Variants in AKAP7 observed in about 807,000 individuals in gnomAD.
AKAP7 encodes A-kinase anchoring protein 7.
In AKAP7, 39 loss-of-function variants were observed where a neutral mutation model predicts 39.5. The ratio of observed to expected loss-of-function variants is 0.99; its 90% CI spans 0.76 to 1.29. The LOEUF (loss-of-function observed/expected upper bound fraction) is 1.29, where lower values mean the gene tolerates loss of function less well. Among genes scored for constraint, AKAP7 ranks in the 50% most tolerant of loss-of-function variants. The pLI, the probability that AKAP7 is intolerant of heterozygous loss-of-function variation, is 0.00. For synonymous variants in AKAP7, 140 were observed against 139.1 expected (o/e 1.01, Z -0.05); for missense variants, 414 against 407.7 (o/e 1.02, Z -0.13).
At chr6:131,198,748 A>T (rs926128507) in intron 5 of AKAP7, among the ~76,000 whole-genome samples, 5 of 152,164 alleles carry the variant, frequency 3.3e-5, no homozygotes, top group Non-Finnish European at 5.9e-5. Flanking sequence ...TTTTCTTGTT[A>T]AAGTACTAGA....
chr6:131,151,321 G>C (rs1311392983), intron 2 of AKAP7, among the ~76,000 whole-genome samples: 1 of 150,726 alleles, frequency 6.6e-6, no homozygotes, highest in Admixed American at 6.6e-5. Context: ...GGGATTACAA[G>C]CATGAGCCAC....
chr6:131,187,062 A>C lies in AKAP7; in HGVS notation c.590-12399A>C, dbSNP rs543147513. Among the ~76,000 whole-genome samples the C allele has an allele frequency of 1.1e-3, 173 of 152,294 alleles. 6 individuals are homozygous for C. In the South Asian group the frequency reaches 0.034, roughly 30 times the overall value. On this transcript the variant is annotated intron_variant, in intron 5 of 7. Transcript: ENST00000431975. ...TGAAATCAGAAGTGTAAAATCTCTA[A>C]CTTTGATCTTCTTTATCAAGATTGT...
At chr6:131,196,202 T>G (rs895243766) in intron 5 of AKAP7, among the ~76,000 whole-genome samples, 2 of 152,036 alleles carry the variant, frequency 1.3e-5, no homozygotes, top group African/African-American at 4.8e-5. Flanking sequence ...GCTTACTAAT[T>G]CTTTCTTCTG....
Position 131,282,851 on chromosome 6 carries a change from T to A in AKAP7, c.*1125T>A. On this transcript the variant is annotated 3_prime_UTR_variant, in exon 8 of 8. Transcript: ENST00000431975. ...TATTTTATAGAAATGATTTCTTAATTAGCTGTTGTGAGATATTTCTCGGGT... is the reference window on the plus strand; with the variant it reads ...TATTTTATAGAAATGATTTCTTAATAAGCTGTTGTGAGATATTTCTCGGGT... 1 of 359,008 alleles carries A rather than the reference T, an allele frequency of 2.8e-6. No individual in the cohort carries two copies. The highest frequency in any genetic ancestry group is 5.0e-6 in the Non-Finnish European group (1 of 199,216). The allele number at this position is 359,008 out of a possible 1,614,324, so 22.2% of individuals were successfully genotyped here. A position where few individuals can be genotyped will look rare whatever the true frequency, so the allele number is the denominator to read the frequency against.
rs147781693 is a variant in AKAP7, at chr6:131,182,671, A to G, written c.589+13398A>G. Among the ~76,000 whole-genome samples, 353 of 152,330 alleles carry G rather than the reference A, an allele frequency of 2.3e-3. 1 individual carries two copies. The highest frequency in any genetic ancestry group is 6.2e-3 in the African/African-American group (256 of 41,566). ...TTTTGGATATGTAACCAGAAGTGGA[A>G]TTGCTAAATCATATGGTAGTTTAAT... On this transcript the variant is annotated intron_variant, in intron 5 of 7. Coordinates refer to ENST00000431975, the MANE Select transcript of AKAP7 (RefSeq NM_016377.4).
intron 7 of AKAP7, among the ~76,000 whole-genome samples, chr6:131,255,397 TG>T (rs1184159621): frequency 1.3e-5 from 2 of 152,224 alleles, no homozygotes; most frequent in Non-Finnish European, 2.9e-5. Context: ...TGAAGAGCTT[TG>T]GTTACTGAAC....
chr6:131,128,278 T>C, the AKAP7 span, among the ~76,000 whole-genome samples: 1 of 152,120 alleles, frequency 6.6e-6, no homozygotes, highest in East Asian at 1.9e-4. Context: ...TGCAAGTGGT[T>C]ACGAAACACA....
intron 7 of AKAP7, among the ~76,000 whole-genome samples, chr6:131,220,897 G>T (rs1410571760): frequency 6.6e-6 from 1 of 152,146 alleles, no homozygotes; most frequent in African/African-American, 2.4e-5. Flanking sequence ...ATTGATAAAT[G>T]TGTGTGTTCC....
chr6:131,130,690 G>T (rs968324372), upstream of AKAP7, among the ~76,000 whole-genome samples: 1 of 152,224 alleles, frequency 6.6e-6, no homozygotes, highest in Non-Finnish European at 1.5e-5. Context: ...TGTGCGCGAG[G>T]GCAGAGGACT....
Position 131,135,651 on chromosome 6 carries a change from C to G in AKAP7, c.-113C>G. The G allele has an allele frequency of 1.0e-6, 1 of 963,620 alleles. No homozygotes were observed. The highest frequency in any genetic ancestry group is 1.3e-6 in the Non-Finnish European group (1 of 799,700). 59.7% of individuals were successfully genotyped at this position (963,620 alleles called of 1,614,324 possible). A position where few individuals can be genotyped will look rare whatever the true frequency, so the allele number is the denominator to read the frequency against. The stretch of plus-strand genomic sequence containing the variant: ...CCGCGCCGGCCCAGCGCACCGCCCT[C>G]AGGCCCCGAGCCCCGCCCTGGCCTC... On this transcript the variant is annotated 5_prime_UTR_variant, in exon 1 of 8. An upstream open reading frame in the 5' UTR gains an earlier in-frame stop. Coordinates refer to ENST00000431975, the MANE Select transcript of AKAP7 (RefSeq NM_016377.4).
At chr6:131,216,710 T>C (rs889900918) in intron 6 of AKAP7, among the ~76,000 whole-genome samples, 1 of 152,220 alleles carries the variant, frequency 6.6e-6, no homozygotes, top group Admixed American at 6.5e-5. Flanking sequence ...AAGTCTGATA[T>C]TCCATACTTA....
At position 131,234,868 on chromosome 6, in the gene AKAP7, A is replaced by G. The variant is rs1161162184; in HGVS notation, c.850+15060A>G. 3.3e-5 allele frequency among the ~76,000 whole-genome samples: 5 copies of G among 151,772 alleles called. No homozygotes were observed. The East Asian group carries it at 7.7e-4, about 23-fold the overall frequency. ...ATGTGGTTTTGATTTATATTTGTCT[A>G]ATGATCAGTGATTTTTTTATTTTAT... On this transcript the variant is annotated intron_variant, in intron 7 of 7. Transcript: ENST00000431975.
chr6:131,151,675 A>C (rs1458943622), intron 2 of AKAP7, among the ~76,000 whole-genome samples: 1 of 151,984 alleles, frequency 6.6e-6, no homozygotes, highest in Non-Finnish European at 1.5e-5. Context: ...GAACCTAGGT[A>C]ATGGAGGTTG....
chr6:131,209,388 C>A lies in AKAP7; in HGVS notation c.702+9815C>A, dbSNP rs147419126. On this transcript the variant is annotated intron_variant, in intron 6 of 7. Coordinates refer to ENST00000431975, the MANE Select transcript of AKAP7 (RefSeq NM_016377.4). ...GCCTCAGCCTCCTGAATAGCTGGGA[C>A]TACAGGTGCCCGCCACCATGCCCGG... Among the ~76,000 whole-genome samples the A allele has an allele frequency of 7.3e-3, 1,115 of 152,064 alleles. 9 individuals carry two copies. The highest frequency in any genetic ancestry group is 0.026 in the African/African-American group (1,073 of 41,482).
At chr6:131,167,837 C>T (rs947755907) in intron 4 of AKAP7, among the ~76,000 whole-genome samples, 9 of 151,942 alleles carry the variant, frequency 5.9e-5, no homozygotes, top group South Asian at 4.2e-4. Context: ...TTTAGAAATA[C>T]GAAAGATCAA....
intron 6 of AKAP7, among the ~76,000 whole-genome samples, chr6:131,210,701 A>G (rs901682766): frequency 1.1e-4 from 17 of 152,216 alleles, no homozygotes; most frequent in Non-Finnish European, 1.3e-4. Flanking sequence ...TTTCTTTCAC[A>G]GTAATTTCCG....
Position 131,165,215 on chromosome 6 carries a change from C to G in AKAP7, c.426C>G (p.Asn142Lys), listed in dbSNP as rs1400642865. ...AATTATTAAATGAAGATGAAGTAAA[C>G]ATGTGAGTAATGTATCTTTCTTAAA... ...VMQLLNEDEV[N>K]IGIDALLELK... The change falls in exon 4 of 8, where the codon AAC becomes AAG. Residue 142 changes from asparagine to lysine, a missense_variant and splice_region_variant. Coordinates refer to ENST00000431975, the MANE Select transcript of AKAP7 (RefSeq NM_016377.4). 1 of 1,601,010 alleles carries G rather than the reference C, an allele frequency of 6.2e-7. No individual in the cohort carries two copies.
At chr6:131,215,611 G>A (rs1339460330) in intron 6 of AKAP7, among the ~76,000 whole-genome samples, 1 of 152,238 alleles carries the variant, frequency 6.6e-6, no homozygotes, top group Admixed American at 6.5e-5. Flanking sequence ...GTTATGCAAA[G>A]AGGTGAAGGA....
At chr6:131,126,652 A>G in the AKAP7 span, among the ~76,000 whole-genome samples, 1 of 152,196 alleles carries the variant, frequency 6.6e-6, no homozygotes, top group African/African-American at 2.4e-5. Context: ...CAGGGGAAAG[A>G]AGCAGCATAC....
Sources: gnomAD v4.1 joint callset for allele counts (sites outside exome capture counted in the v4.1 genomes callset) on GRCh38, gnomAD v4.1.1 for gene constraint, MANE v1.5 for transcripts, NCBI Gene and HGNC (gene_info 2026-07-23, HGNC 2026-07-21) for gene names.